SERPINB7: variants seen among roughly 807,000 people sequenced by gnomAD.
The protein encoded by SERPINB7 is serpin B7.
SERPINB7 carries 31 observed loss-of-function variants against 37.4 expected under a neutral mutation model. That is an observed-to-expected ratio of 0.83 (90% CI 0.62 to 1.12). The LOEUF (loss-of-function observed/expected upper bound fraction) is 1.12, where lower values mean the gene tolerates loss of function less well. Ranked by LOEUF, SERPINB7 falls within the 50% of genes most tolerant of loss-of-function variation. The pLI is 0.00. For synonymous variants in SERPINB7, 163 were observed against 166.1 expected (o/e 0.98, Z 0.14); for missense variants, 521 against 455.3 (o/e 1.14, Z -1.31).
chr18:63,786,533 T>C (rs1227688262), intron 2 of SERPINB7, among the ~76,000 whole-genome samples: 1 of 152,094 alleles, frequency 6.6e-6, no homozygotes, highest in Non-Finnish European at 1.5e-5. Flanking sequence ...ATATTACGTA[T>C]TCTACCACTC....
intron 6 of SERPINB7, 32 bp downstream of exon 6, chr18:63,798,778 C>T: frequency 6.2e-7 from 1 of 1,604,728 alleles, no homozygotes; most frequent in Non-Finnish European, 8.5e-7. Flanking sequence ...TAATTTAGAA[C>T]TTTTCCACAA....
chr18:63,783,232 G>GAGAGAAAGAAAGAA (rs2049328062), intron 2 of SERPINB7, among the ~76,000 whole-genome samples: 4 of 40,750 alleles, frequency 9.8e-5, no homozygotes, highest in South Asian at 1.0e-3. Context: ...GAGAGAGAGA[G>GAGAGAAAGAAAGAA]AGAAAGAAAG....
intron 1 of SERPINB7, among the ~76,000 whole-genome samples, chr18:63,778,988 C>A (rs2049276999): frequency 6.6e-6 from 1 of 152,092 alleles, no homozygotes; most frequent in Admixed American, 6.6e-5. Flanking sequence ...AATGAAAAAT[C>A]AGACTTTAAA....
intron 2 of SERPINB7, among the ~76,000 whole-genome samples, chr18:63,786,678 A>ATG (rs533158053): frequency 9.9e-4 from 151 of 152,264 alleles, no homozygotes; most frequent in African/African-American, 3.4e-3. Context: ...GTATAGACTC[A>ATG]TGATTTTCCT....
At chr18:63,764,968 T>C (rs993040452) in intron 1 of SERPINB7, among the ~76,000 whole-genome samples, 2 of 152,192 alleles carry the variant, frequency 1.3e-5, no homozygotes, top group Non-Finnish European at 2.9e-5. Context: ...TTTTTCACTA[T>C]GTAAACATAT....
chr18:63,778,593 A>G (rs1489011820), intron 1 of SERPINB7, among the ~76,000 whole-genome samples: 1 of 152,170 alleles, frequency 6.6e-6, no homozygotes, highest in East Asian at 1.9e-4. Flanking sequence ...AAATAGTATC[A>G]TAACTTTATG....
chr18:63,760,579 G>T (rs2049147845), intron 1 of SERPINB7, among the ~76,000 whole-genome samples: 1 of 152,166 alleles, frequency 6.6e-6, no homozygotes, highest in Non-Finnish European at 1.5e-5. Context: ...CTTCATGGTG[G>T]CCCCTCCCAT....
At chr18:63,787,022 C>A (rs1720838) in intron 2 of SERPINB7, among the ~76,000 whole-genome samples, 16,876 of 151,838 alleles carry the variant, frequency 0.11, 1,607 homozygotes, top group East Asian at 0.48. Context: ...GGGATAAGAC[C>A]CAGGTATAAA....
At chr18:63,798,881 T>C (rs2049518031) in intron 6 of SERPINB7, 135 bp downstream of exon 6, 4 of 894,578 alleles carry the variant, frequency 4.5e-6, no homozygotes, top group Non-Finnish European at 6.8e-6. Flanking sequence ...CAATATCATA[T>C]GGTCAGTTGC....
chr18:63,786,028 G>A (rs11875413), intron 2 of SERPINB7, among the ~76,000 whole-genome samples: 24,023 of 102,648 alleles, frequency 0.23, 1,860 homozygotes, highest in Middle Eastern at 0.34. Context: ...TATAATATAC[G>A]TATATATACA....
Position 63,800,966 on chromosome 18 carries a change from G to A in SERPINB7, c.698G>A (p.Gly233Asp), listed in dbSNP as rs1404473699. ...AAGATTCTTGAGCTCAGATACAATG[G>A]TGGCATAAACATGTACGTTCTGCTG... ...SMKILELRYN[G>D]GINMYVLLPE... The change falls in exon 7 of 8, where the codon GGT becomes GAT. Residue 233 changes from glycine to aspartate, a missense_variant. Physicochemically the swap from Gly to Asp is moderately conservative, Grantham distance 94 (BLOSUM62 -1). Transcript: ENST00000398019. 2 of 1,613,956 alleles carry A rather than the reference G, an allele frequency of 1.2e-6. No homozygotes were observed. Among genetic ancestry groups the A allele is most frequent in the Non-Finnish European group, 1.7e-6 (2 of 1,179,870 alleles).
intron 5 of SERPINB7, among the ~76,000 whole-genome samples, chr18:63,798,304 C>CTATTGCTATCA (rs2049509487): frequency 6.6e-6 from 1 of 152,022 alleles, no homozygotes; most frequent in Non-Finnish European, 1.5e-5. Context: ...GGGTTGGAAT[C>CTATTGCTATCA]CTATTGCTAT....
intron 7 of SERPINB7, among the ~76,000 whole-genome samples, chr18:63,803,291 A>T (rs1267590126): frequency 6.6e-6 from 1 of 152,178 alleles, no homozygotes; most frequent in African/African-American, 2.4e-5. Context: ...GATTAACCAC[A>T]AAACTGGATA....
intron 4 of SERPINB7, among the ~76,000 whole-genome samples, chr18:63,795,576 T>TA (rs5825537): frequency 0.19 from 22,109 of 115,630 alleles, 1,901 homozygotes; most frequent in Non-Finnish European, 0.24. Context: ...AAAAAAGAAT[T>TA]AAAAAAAAAA....
chr18:63,771,814 A>AG (rs1460523895), upstream of SERPINB7, among the ~76,000 whole-genome samples: 1 of 152,062 alleles, frequency 6.6e-6, no homozygotes, highest in Non-Finnish European at 1.5e-5. Context: ...GAATAAGTCA[A>AG]GATAGTAGCC....
At chr18:63,796,225 G>A (rs1415718970) in intron 4 of SERPINB7, 41 bp from the exon 5 acceptor site, 2 of 1,114,114 alleles carry the variant, frequency 1.8e-6, no homozygotes, top group South Asian at 1.3e-5. Flanking sequence ...TACTTAGTTG[G>A]TGATGATTTG....
intron 7 of SERPINB7, among the ~76,000 whole-genome samples, chr18:63,803,534 C>T (rs1284107132): frequency 1.3e-5 from 2 of 152,106 alleles, no homozygotes; most frequent in Non-Finnish European, 2.9e-5. Flanking sequence ...GGTGAATTGG[C>T]TTTGTGAATT....
intron 2 of SERPINB7, 139 bp from the exon 3 acceptor site, chr18:63,792,254 T>C (rs2144630624): frequency 3.6e-6 from 2 of 563,318 alleles, no homozygotes; most frequent in Non-Finnish European, 6.3e-6. Flanking sequence ...GGGGAGAATC[T>C]GCTCTAAGAT....
intron 2 of SERPINB7, among the ~76,000 whole-genome samples, chr18:63,787,345 T>C (rs2049383104): frequency 1.3e-5 from 2 of 152,164 alleles, no homozygotes; most frequent in South Asian, 2.1e-4. Context: ...ATTTCAATAT[T>C]TGACACTTCT....
Sources: allele counts gnomAD v4.1 joint callset (sites outside exome capture counted in the v4.1 genomes callset), GRCh38; gene constraint gnomAD v4.1.1; transcripts MANE v1.5; gene names NCBI Gene and HGNC (gene_info 2026-07-23, HGNC 2026-07-21).